VWA3B: variants seen among roughly 807,000 people sequenced by gnomAD.
VWA3B encodes the protein von Willebrand factor A domain containing 3B.
VWA3B carries 138 observed loss-of-function variants against 158.3 expected under a neutral mutation model. That is an observed-to-expected ratio of 0.87 (90% CI 0.76 to 1.00). The LOEUF (loss-of-function observed/expected upper bound fraction) is 1.00. VWA3B is among the 50% of genes least tolerant of loss of function. The pLI, the probability that VWA3B is intolerant of heterozygous loss-of-function variation, is 0.00. For synonymous variants in VWA3B, 596 were observed against 587.3 expected (o/e 1.01, Z -0.21); for missense variants, 1,555 against 1,565.1 (o/e 0.99, Z 0.11).
At chr2:98,187,152 C>T (rs1375896007) in intron 9 of VWA3B, among the ~76,000 whole-genome samples, 1 of 152,122 alleles carries the variant, frequency 6.6e-6, no homozygotes, top group Non-Finnish European at 1.5e-5. Context: ...GCTTTCCCTG[C>T]GAGGTTCTAA....
intron 12 of VWA3B, among the ~76,000 whole-genome samples, chr2:98,202,761 A>G: frequency 6.6e-6 from 1 of 152,138 alleles, no homozygotes; most frequent in Non-Finnish European, 1.5e-5. Flanking sequence ...TTTGTTTGAC[A>G]TTTAAGTCTA....
intron 25 of VWA3B, among the ~76,000 whole-genome samples, chr2:98,301,319 A>G (rs908527696): frequency 1.3e-5 from 2 of 152,090 alleles, no homozygotes; most frequent in African/African-American, 4.8e-5. Context: ...ACAAAAAAAA[A>G]AACCTGTGTT....
chr2:98,181,158 T>G lies in VWA3B; in HGVS notation c.1257T>G (p.Asp419Glu), dbSNP rs1049796794. The G allele has an allele frequency of 6.2e-7, 1 of 1,614,114 alleles. No homozygotes were observed. Among genetic ancestry groups the G allele is most frequent in the South Asian group, 1.1e-5 (1 of 91,090 alleles). The change falls in exon 9 of 28, where the codon GAT becomes GAG. Residue 419 changes from aspartate to glutamate, a missense_variant. Transcript: ENST00000477737. Reference sequence around the variant, plus strand: ...CCGACTGCTCTTTCCGCCACGCTGATGGGGTTGTGGATATAAAAGCCAAAC... The same window carrying G: ...CCGACTGCTCTTTCCGCCACGCTGAGGGGGTTGTGGATATAAAAGCCAAAC... ...VLADCSFRHADGVVDIKAKPE... is the reference protein window; with the variant it reads ...VLADCSFRHAEGVVDIKAKPE...
intron 2 of VWA3B, among the ~76,000 whole-genome samples, chr2:98,104,650 G>A (rs757369816): frequency 1.1e-4 from 16 of 152,142 alleles, no homozygotes; most frequent in Non-Finnish European, 1.8e-4. Flanking sequence ...TACATTTAAT[G>A]TAATAATTGA....
At chr2:98,124,190 C>G (rs1343479912) in intron 5 of VWA3B, among the ~76,000 whole-genome samples, 1 of 152,142 alleles carries the variant, frequency 6.6e-6, no homozygotes, top group Non-Finnish European at 1.5e-5. Flanking sequence ...TTTTGTGTCT[C>G]TGATGCCTAA....
intron 17 of VWA3B, among the ~76,000 whole-genome samples, chr2:98,236,040 G>A (rs1418548851): frequency 1.3e-5 from 2 of 152,130 alleles, no homozygotes; most frequent in Non-Finnish European, 1.5e-5. Context: ...GTTGATCAAG[G>A]CTCTCATATA....
Position 98,128,369 on chromosome 2 carries a change from T to C in VWA3B, c.833T>C (p.Ile278Thr), listed in dbSNP as rs771034121. ...TTCAACGCCAGAGGAGAAGGCACTA[T>C]AGCTTTTCTAAAGGATCTGAGTGCC... ...VSFNARGEGT[I>T]AFLKDLSAKT... is the part of the protein sequence containing the mutation. The change falls in exon 6 of 28, where the codon ATA (isoleucine) becomes ACA (threonine). Residue 278 changes from isoleucine (I) to threonine (T), a missense_variant. Coordinates refer to ENST00000477737, the MANE Select transcript of VWA3B (RefSeq NM_144992.5). 1.5e-5 allele frequency: 25 copies of C among 1,614,012 alleles called. No individual in the cohort carries two copies. The highest frequency in any genetic ancestry group is 2.2e-5 in the East Asian group (1 of 44,882).
chr2:98,312,426 T>C lies in VWA3B; in HGVS notation c.*77T>C, dbSNP rs1463394455. ...CAGACCTCAGCGTTGACACTGAAAC[T>C]GGCCCCTCCGCGGAGGTAAGGCCGC... On this transcript the variant is annotated 3_prime_UTR_variant, in exon 28 of 28. Transcript: ENST00000477737. The C allele has an allele frequency of 4.0e-6, 6 of 1,516,712 alleles. No homozygotes were observed. The highest frequency in any genetic ancestry group is 4.4e-6 in the Non-Finnish European group (5 of 1,133,526). The allele number at this position is 1,516,712 out of a possible 1,614,324, so 94.0% of individuals were successfully genotyped here. A position where few individuals can be genotyped will look rare whatever the true frequency, so the allele number is the denominator to read the frequency against.
At chr2:98,131,712 T>C (rs1675884381) in intron 6 of VWA3B, among the ~76,000 whole-genome samples, 1 of 152,164 alleles carries the variant, frequency 6.6e-6, no homozygotes, top group African/African-American at 2.4e-5. Context: ...TTGTTAATGA[T>C]ACAGAGGCCA....
Position 98,128,387 on chromosome 2 carries a change from T to A in VWA3B, c.851T>A (p.Leu284Gln). ...GEGTIAFLKD[L>Q]SAKTHSRFHA... is the part of the protein sequence containing the mutation. Reference sequence around the variant, plus strand: ...GGCACTATAGCTTTTCTAAAGGATCTGAGTGCCAAGACCCACAGCAGGTAG... The same window carrying A: ...GGCACTATAGCTTTTCTAAAGGATCAGAGTGCCAAGACCCACAGCAGGTAG... The change falls in exon 6 of 28, where the codon CTG (leucine) becomes CAG (glutamine). Residue 284 changes from leucine to glutamine, a missense_variant. Transcript: ENST00000477737. 1 of 1,613,778 alleles carries A rather than the reference T, an allele frequency of 6.2e-7. No homozygotes were observed. Among genetic ancestry groups the A allele is most frequent in the South Asian group, 1.1e-5 (1 of 91,060 alleles).
chr2:98,176,645 T>C (rs1680040896), intron 8 of VWA3B, among the ~76,000 whole-genome samples: 1 of 152,196 alleles, frequency 6.6e-6, no homozygotes, highest in Non-Finnish European at 1.5e-5. Context: ...ACAGGGGTTA[T>C]GGTCTCTCAA....
intron 2 of VWA3B, among the ~76,000 whole-genome samples, chr2:98,100,327 C>T (rs1272989933): frequency 6.6e-6 from 1 of 152,212 alleles, no homozygotes; most frequent in African/African-American, 2.4e-5. Context: ...AGCCCAGGAC[C>T]ACCATGATGA....
chr2:98,309,721 A>T (rs1690769414), intron 26 of VWA3B, among the ~76,000 whole-genome samples: 1 of 152,234 alleles, frequency 6.6e-6, no homozygotes, highest in African/African-American at 2.4e-5. Flanking sequence ...CTCTGACATT[A>T]CGTCAGATGA....
At chr2:98,147,553 G>C (rs1677266120) in intron 7 of VWA3B, among the ~76,000 whole-genome samples, 1 of 152,066 alleles carries the variant, frequency 6.6e-6, no homozygotes, top group African/African-American at 2.4e-5. Context: ...AATTTTTGTA[G>C]TTGACATTAA....
intron 22 of VWA3B, among the ~76,000 whole-genome samples, chr2:98,280,953 T>G (rs889773303): frequency 6.6e-6 from 1 of 152,198 alleles, no homozygotes; most frequent in Admixed American, 6.5e-5. Flanking sequence ...GAAATTCCAC[T>G]TAGAGCTTCA....
intron 21 of VWA3B, among the ~76,000 whole-genome samples, chr2:98,261,828 TTC>T (rs1574224639): frequency 6.6e-6 from 1 of 151,800 alleles, no homozygotes; most frequent in Admixed American, 6.6e-5. Context: ...CCTTTCAAGA[TTC>T]TCTCTTTGCC....
chr2:98,131,976 G>A (rs948439701), intron 6 of VWA3B, among the ~76,000 whole-genome samples: 1 of 152,136 alleles, frequency 6.6e-6, no homozygotes, highest in Non-Finnish European at 1.5e-5. Flanking sequence ...CAAGTATGTG[G>A]CTCCCATTCT....
At chr2:98,181,828 G>C (rs1680609631) in intron 9 of VWA3B, among the ~76,000 whole-genome samples, 1 of 152,210 alleles carries the variant, frequency 6.6e-6, no homozygotes, top group Admixed American at 6.5e-5. Context: ...ATATGAGTCA[G>C]TAGGTCCGAA....
At chr2:98,154,020 C>T (rs533928201) in intron 7 of VWA3B, among the ~76,000 whole-genome samples, 1 of 152,274 alleles carries the variant, frequency 6.6e-6, no homozygotes, top group South Asian at 2.1e-4. Flanking sequence ...TGTCACCACG[C>T]CCAGCTAATT....
Sources: allele counts gnomAD v4.1 joint callset (sites outside exome capture counted in the v4.1 genomes callset), GRCh38; gene constraint gnomAD v4.1.1; transcripts MANE v1.5; gene names NCBI Gene and HGNC (gene_info 2026-07-23, HGNC 2026-07-21).